Variants in ACBD6 observed in about 807,000 individuals in gnomAD.
The protein encoded by ACBD6 is acyl-CoA binding domain containing 6, also known as acyl-CoA-binding domain-containing protein 6.
A neutral mutation model predicts 37.2 loss-of-function variants in ACBD6; 28 were observed. That is an observed-to-expected ratio of 0.75 (90% CI 0.56 to 1.03). ACBD6 has a LOEUF of 1.03. Ranked by LOEUF, ACBD6 falls within the 50% of genes least tolerant of loss-of-function variation. The pLI is 0.00. For synonymous variants in ACBD6, 113 were observed against 126.8 expected, an observed-to-expected ratio of 0.89 and a Z score of 0.73; for missense variants, 340 against 337.4, an observed-to-expected ratio of 1.01 and a Z score of -0.06.
intron 3 of ACBD6, among the ~76,000 whole-genome samples, chr1:180,448,431 A>G (rs1300468170): frequency 6.6e-6 from 1 of 152,014 alleles, no homozygotes; most frequent in Non-Finnish European, 1.5e-5. Flanking sequence ...TCCCTTTTCT[A>G]TTGTTTTCAT....
intron 4 of ACBD6, among the ~76,000 whole-genome samples, chr1:180,417,229 G>C (rs1303997371): frequency 6.6e-6 from 1 of 152,062 alleles, no homozygotes; most frequent in African/African-American, 2.4e-5. Flanking sequence ...TTACTAAACT[G>C]ATCTACCTGA....
intron 4 of ACBD6, among the ~76,000 whole-genome samples, chr1:180,426,535 T>C (rs988524402): frequency 7.9e-5 from 12 of 152,186 alleles, no homozygotes; most frequent in Admixed American, 6.5e-4. Flanking sequence ...TGTTATAAGA[T>C]TTGTTACTCT....
chr1:180,335,483 G>A (rs1034489875), intron 6 of ACBD6, among the ~76,000 whole-genome samples: 11 of 152,156 alleles, frequency 7.2e-5, no homozygotes, highest in Admixed American at 2.0e-4. Flanking sequence ...TCACCACCAG[G>A]CCTGCTTTAC....
At chr1:180,304,603 A>G (rs896755760) in intron 7 of ACBD6, among the ~76,000 whole-genome samples, 14 of 150,892 alleles carry the variant, frequency 9.3e-5, no homozygotes, top group African/African-American at 3.4e-4. Context: ...GAAATAAAAG[A>G]GGATACAAAC....
intron 3 of ACBD6, chr1:180,435,114 G>GA (rs982894049): frequency 2.3e-5 from 17 of 741,654 alleles, no homozygotes; most frequent in East Asian, 5.0e-5. Context: ...TAACACTGGG[G>GA]AAAAAAAAGC....
At chr1:180,381,133 T>G (rs1297748419) in intron 6 of ACBD6, among the ~76,000 whole-genome samples, 2 of 152,176 alleles carry the variant, frequency 1.3e-5, no homozygotes, top group Non-Finnish European at 2.9e-5. Flanking sequence ...AAGGTCATTA[T>G]ATAATAATAA....
At chr1:180,271,814 T>A (rs1175342886) in exon 14 of ACBD6, 1 of 1,613,582 alleles carries the variant, frequency 6.2e-7, no homozygotes, top group Admixed American at 1.7e-5. Context: ...CCTGAGTATG[T>A]CCCTTGTGCT....
At chr1:180,493,264 A>AAAAAC (rs1557893769) in intron 2 of ACBD6, among the ~76,000 whole-genome samples, 33 of 141,100 alleles carry the variant, frequency 2.3e-4, no homozygotes, top group Non-Finnish European at 3.6e-4. Flanking sequence ...AAAAAAAAAA[A>AAAAAC]AAAAAAAAAA....
chr1:180,501,573 C>A (rs1004301415), intron 1 of ACBD6, among the ~76,000 whole-genome samples: 2 of 152,212 alleles, frequency 1.3e-5, no homozygotes, highest in African/African-American at 4.8e-5. Flanking sequence ...CCGCCTCGGC[C>A]TCCCAAAGTG....
chr1:180,360,159 G>A (rs1456313106), intron 6 of ACBD6, among the ~76,000 whole-genome samples: 14 of 152,022 alleles, frequency 9.2e-5, no homozygotes, highest in Non-Finnish European at 1.5e-4. Flanking sequence ...AACACACAGG[G>A]ACCTAAGTTT....
At chr1:180,500,338 T>A (rs1225168799) in intron 1 of ACBD6, among the ~76,000 whole-genome samples, 2 of 152,130 alleles carry the variant, frequency 1.3e-5, no homozygotes, top group Admixed American at 1.3e-4. Context: ...GTTATTTAAC[T>A]CTTGTCAGCA....
chr1:180,484,909 C>T (rs1416842825), intron 3 of ACBD6, among the ~76,000 whole-genome samples: 1 of 151,702 alleles, frequency 6.6e-6, no homozygotes, highest in Non-Finnish European at 1.5e-5. Context: ...ACTAAAAATA[C>T]AAAAATTAGC....
intron 1 of ACBD6, among the ~76,000 whole-genome samples, chr1:180,498,902 C>T (rs966500227): frequency 2.0e-5 from 3 of 150,498 alleles, no homozygotes; most frequent in African/African-American, 7.3e-5. Context: ...ATGAAGTCAA[C>T]AGGAATTCAC....
At chr1:180,497,437 T>C (rs1387110196) in intron 1 of ACBD6, among the ~76,000 whole-genome samples, 3 of 152,176 alleles carry the variant, frequency 2.0e-5, no homozygotes, top group Non-Finnish European at 1.5e-5. Flanking sequence ...CCTCTGACCA[T>C]GAAAAAGGAA....
chr1:180,476,127 T>C (rs1354762265), intron 3 of ACBD6, among the ~76,000 whole-genome samples: 1 of 152,180 alleles, frequency 6.6e-6, no homozygotes, highest in Non-Finnish European at 1.5e-5. Context: ...ATCCCACCAA[T>C]ACCAATGAAA....
chr1:180,458,008 C>T (rs1019479336), intron 3 of ACBD6, among the ~76,000 whole-genome samples: 10 of 152,058 alleles, frequency 6.6e-5, no homozygotes, highest in Admixed American at 3.3e-4. Flanking sequence ...GTTGGCCAGG[C>T]TGGTCTCAAA....
At chr1:180,435,079 T>A (rs1648969374) in intron 3 of ACBD6, 1 of 791,366 alleles carries the variant, frequency 1.3e-6, no homozygotes, top group Middle Eastern at 2.3e-4. Flanking sequence ...GATCTGAAGC[T>A]TACCTTCAAT....
intron 3 of ACBD6, among the ~76,000 whole-genome samples, chr1:180,456,877 G>A (rs1426416460): frequency 6.6e-6 from 1 of 152,050 alleles, no homozygotes; most frequent in East Asian, 1.9e-4. Context: ...CTACAGGTGT[G>A]TGCCACCATG....
intron 6 of ACBD6, among the ~76,000 whole-genome samples, chr1:180,333,981 A>C (rs1283557913): frequency 6.6e-6 from 1 of 152,200 alleles, no homozygotes. Context: ...GGCGCCTGCC[A>C]TTGCCGAGGC....
Sources: gnomAD v4.1 joint callset for allele counts (sites outside exome capture counted in the v4.1 genomes callset) on GRCh38, gnomAD v4.1.1 for gene constraint, MANE v1.5 for transcripts, NCBI Gene and HGNC (gene_info 2026-07-23, HGNC 2026-07-21) for gene names.